The following PAK3 variants were observed in gnomAD, a reference collection of about 807,000 sequenced individuals.
PAK3 encodes the protein p21 (RAC1) activated kinase 3.
A neutral mutation model predicts 41.0 loss-of-function variants in PAK3; 4 were observed. The ratio of observed to expected loss-of-function variants is 0.10; its 90% CI spans 0.05 to 0.22. The LOEUF is 0.22. PAK3 is among the 10% of genes least tolerant of loss of function. The pLI is 1.00. For missense variants in PAK3, 205 were observed against 409.9 expected, an observed-to-expected ratio of 0.50 and a Z score of 4.32; for synonymous variants, 146 against 139.6, an observed-to-expected ratio of 1.05 and a Z score of -0.32.
intron 4 of PAK3, among the ~76,000 whole-genome samples, chrX:111,118,163 T>G (rs1341475696): frequency 8.9e-6 from 1 of 112,417 alleles, no homozygotes; most frequent in Non-Finnish European, 1.9e-5. Flanking sequence ...TGTGGAAGGC[T>G]AGATGATTTT....
intron 4 of PAK3, among the ~76,000 whole-genome samples, chrX:111,121,483 A>G (rs962131549): frequency 8.9e-6 from 1 of 112,028 alleles, no homozygotes; most frequent in Non-Finnish European, 1.9e-5. Context: ...ACCTAACATG[A>G]TGTAACTTAG....
intron 4 of PAK3, among the ~76,000 whole-genome samples, chrX:111,117,667 T>C (rs1241241568): frequency 8.9e-6 from 1 of 111,936 alleles, no homozygotes; most frequent in Non-Finnish European, 1.9e-5. Context: ...TGTAACATTA[T>C]GAAAAACTTA....
chrX:111,152,157 A>G (rs774614289), intron 7 of PAK3, among the ~76,000 whole-genome samples: 3 of 112,230 alleles, frequency 2.7e-5, no homozygotes, highest in Non-Finnish European at 5.6e-5. Context: ...TCATTCTTCC[A>G]TATAAATGAG....
At chrX:111,192,439 C>G in intron 12 of PAK3, 67 bp from the exon 13 acceptor site, 1 of 653,412 alleles carries the variant, frequency 1.5e-6, no homozygotes, top group Non-Finnish European at 2.5e-6. Context: ...CTATGTCCCC[C>G]AAAATATGAA....
At chrX:111,212,141 TCTTA>T (rs751610029) in intron 16 of PAK3, among the ~76,000 whole-genome samples, 18 of 111,587 alleles carry the variant, frequency 1.6e-4, no homozygotes, top group African/African-American at 5.2e-4. Flanking sequence ...TTATATGGTT[TCTTA>T]CTTAACATTA....
intron 1 of PAK3, among the ~76,000 whole-genome samples, chrX:111,039,405 A>G (rs2092431897): frequency 8.9e-6 from 1 of 112,051 alleles, no homozygotes; most frequent in Non-Finnish European, 1.9e-5. Flanking sequence ...AAAGAATGCC[A>G]TCAGCTAGTC....
At position 111,086,633 on chromosome X, in the gene PAK3, G is replaced by A. The variant is rs141836696; in HGVS notation, c.-27-36444G>A. Among the ~76,000 whole-genome samples the A allele has an allele frequency of 3.5e-3, 393 of 110,992 alleles. 3 individuals are homozygous for A. Among genetic ancestry groups the A allele is most frequent in the African/African-American group, 0.012 (373 of 30,525 alleles). On this transcript the variant is annotated intron_variant, in intron 1 of 14. Coordinates refer to the PAK3 transcript ENST00000425146. Reference sequence around the variant, plus strand: ...CCCCATGTCTTTCAAAACAGAGCCCGCAAATTACCATGAAAATCTGCCCCA... The same window carrying A: ...CCCCATGTCTTTCAAAACAGAGCCCACAAATTACCATGAAAATCTGCCCCA...
At chrX:111,090,909 A>T (rs1250063134) in intron 1 of PAK3, among the ~76,000 whole-genome samples, 1 of 112,153 alleles carries the variant, frequency 8.9e-6, no homozygotes, top group Non-Finnish European at 1.9e-5. Flanking sequence ...TCCAAATTCA[A>T]TTCACTCTGC....
At chrX:111,010,285 T>A (rs1420302655) in intron 1 of PAK3, among the ~76,000 whole-genome samples, 1 of 111,627 alleles carries the variant, frequency 9.0e-6, no homozygotes, top group Non-Finnish European at 1.9e-5. Flanking sequence ...AACCACCCAG[T>A]TTCATGCTGG....
At chrX:111,172,987 C>T (rs866826468) in intron 10 of PAK3, 31 bp from the exon 11 acceptor site, 5 of 806,489 alleles carry the variant, frequency 6.2e-6, no homozygotes, top group East Asian at 3.2e-5. Flanking sequence ...CCACCTCCTC[C>T]TCTTTTCTTC....
chrX:110,992,418 A>C (rs983950198), intron 1 of PAK3, among the ~76,000 whole-genome samples: 1 of 110,106 alleles, frequency 9.1e-6, no homozygotes, highest in African/African-American at 3.3e-5. Context: ...TCAGTGAAGG[A>C]CATGACCCAA....
At chrX:110,986,966 G>A (rs2091555673) in intron 1 of PAK3, among the ~76,000 whole-genome samples, 1 of 112,139 alleles carries the variant, frequency 8.9e-6, no homozygotes, top group African/African-American at 3.2e-5. Flanking sequence ...CACTGTCTGT[G>A]GCAGAAACAG....
intron 5 of PAK3, among the ~76,000 whole-genome samples, chrX:111,140,588 G>T (rs2093856149): frequency 8.9e-6 from 1 of 111,776 alleles, no homozygotes; most frequent in Admixed American, 9.5e-5. Context: ...TAATATTCAT[G>T]AATAAAGTAG....
chrX:111,017,480 TG>T (rs2092109662), intron 1 of PAK3, among the ~76,000 whole-genome samples: 1 of 111,552 alleles, frequency 9.0e-6, no homozygotes, highest in Admixed American at 9.5e-5. Context: ...TGTTAACAAA[TG>T]TGGTAACCTA....
chrX:111,181,438 C>G (rs1223749440), intron 11 of PAK3, among the ~76,000 whole-genome samples: 1 of 111,223 alleles, frequency 9.0e-6, no homozygotes, highest in African/African-American at 3.3e-5. Flanking sequence ...TAATTGCTAA[C>G]AAATTTTGCT....
At chrX:111,126,044 C>T (rs977458716) in intron 5 of PAK3, among the ~76,000 whole-genome samples, 5 of 111,335 alleles carry the variant, frequency 4.5e-5, no homozygotes, top group East Asian at 5.7e-4. Flanking sequence ...CTTCAGGATT[C>T]GACTTCACTG....
chrX:111,074,279 G>A (rs907303884), intron 1 of PAK3, among the ~76,000 whole-genome samples: 4 of 111,456 alleles, frequency 3.6e-5, no homozygotes, highest in Non-Finnish European at 7.5e-5. Context: ...CCTGTTGGGA[G>A]GTTATTGGAT....
rs1190094639 is a variant in PAK3 at position 111,156,968 on chromosome X, A to G, written c.468+4521A>G. Among the ~76,000 whole-genome samples the G allele has an allele frequency of 4.5e-5, 5 of 112,306 alleles. No individual in the cohort carries two copies. The Admixed American group carries it at 4.7e-4, about 11-fold the overall frequency. On this transcript the variant is annotated intron_variant, in intron 8 of 17. Coordinates refer to ENST00000372007, the MANE Select transcript of PAK3 (RefSeq NM_002578.5). Reference sequence around the variant, plus strand: ...CCAACTGGAAGGTAACAGCAATAATATGTCATTATTGTTTTGTCATATTGA... The same window carrying G: ...CCAACTGGAAGGTAACAGCAATAATGTGTCATTATTGTTTTGTCATATTGA...
At chrX:111,050,747 A>G (rs139877875) in intron 1 of PAK3, among the ~76,000 whole-genome samples, 2 of 112,615 alleles carry the variant, frequency 1.8e-5, no homozygotes, top group African/African-American at 3.2e-5. Context: ...CCAAAAGCCT[A>G]TCAGAGACTG....
Sources: allele counts gnomAD v4.1 joint callset (sites outside exome capture counted in the v4.1 genomes callset), GRCh38; gene constraint gnomAD v4.1.1; transcripts MANE v1.5; gene names NCBI Gene and HGNC (gene_info 2026-07-23, HGNC 2026-07-21).